Variants in XRRA1 observed in about 807,000 individuals in gnomAD.
The protein encoded by XRRA1 is X-ray radiation resistance-associated protein 1.
Under a neutral mutation model 80.2 loss-of-function variants are expected in XRRA1, and 69 were observed. The ratio of observed to expected loss-of-function variants is 0.86; its 90% CI spans 0.71 to 1.05. The LOEUF (loss-of-function observed/expected upper bound fraction) is 1.05, where lower values mean the gene tolerates loss of function less well. Among genes scored for constraint, XRRA1 ranks in the 50% least tolerant of loss-of-function variants. XRRA1 has a pLI of 0.00. For synonymous variants in XRRA1, 348 were observed against 389.9 expected (o/e 0.89, Z 1.27); for missense variants, 967 against 976.4 (o/e 0.99, Z 0.13).
intron 10 of XRRA1, among the ~76,000 whole-genome samples, chr11:74,891,839 A>G (rs1240829386): frequency 2.0e-5 from 3 of 152,178 alleles, no homozygotes; most frequent in Non-Finnish European, 4.4e-5. Context: ...TAGGAATCCA[A>G]CTTACAAGCA....
chr11:74,917,776 A>T (rs1294796852), intron 8 of XRRA1, among the ~76,000 whole-genome samples: 1 of 152,166 alleles, frequency 6.6e-6, no homozygotes, highest in Non-Finnish European at 1.5e-5. Context: ...CTTCTGATTT[A>T]CAGGTCTTAG....
intron 3 of XRRA1, among the ~76,000 whole-genome samples, chr11:74,939,845 G>C (rs1038597191): frequency 4.3e-5 from 2 of 46,902 alleles, no homozygotes; most frequent in Non-Finnish European, 1.2e-4. Context: ...GAGTGACATA[G>C]AGAGAGAGAG....
At position 74,884,580 on chromosome 11, in the gene XRRA1, C is replaced by T. The variant is rs549903507; in HGVS notation, c.1004-21559G>A. ...AAAACCCCTGCATTTCACTGCAGAT[C>T]CAGCAACTTATTTCTCTAGGACCCC... On this transcript the variant is annotated intron_variant, in intron 10 of 18. Transcript: ENST00000684022. Among the ~76,000 whole-genome samples, 65 of 152,270 alleles carry T rather than the reference C, an allele frequency of 4.3e-4. 1 individual carries two copies. The highest frequency in any genetic ancestry group is 3.7e-3 in the Admixed American group (57 of 15,284).
At chr11:74,865,664 C>G (rs2043240066) in intron 10 of XRRA1, among the ~76,000 whole-genome samples, 1 of 152,226 alleles carries the variant, frequency 6.6e-6, no homozygotes. Context: ...AGATGGACCA[C>G]CAGCTTCATT....
intron 1 of XRRA1, among the ~76,000 whole-genome samples, chr11:74,946,973 G>A (rs1415087341): frequency 6.6e-6 from 1 of 151,980 alleles, no homozygotes; most frequent in African/African-American, 2.4e-5. Flanking sequence ...TGATGGTCTT[G>A]ATCTCCTGAC....
intron 2 of XRRA1, among the ~76,000 whole-genome samples, chr11:74,943,529 GT>G (rs869110426): frequency 6.2e-5 from 3 of 48,364 alleles, no homozygotes; most frequent in Non-Finnish European, 1.7e-4. Flanking sequence ...AGGAGGGTGT[GT>G]GTGTGTGTGT....
At chr11:74,945,107 C>A (rs1403888567) in intron 1 of XRRA1, 22 bp from the exon 2 acceptor site, 1 of 152,218 alleles carries the variant, frequency 6.6e-6, no homozygotes, top group East Asian at 1.9e-4. Context: ...ATATTATATT[C>A]CTTCTTAGCC....
chr11:74,940,149 C>T (rs1946022946), intron 3 of XRRA1, among the ~76,000 whole-genome samples: 1 of 152,122 alleles, frequency 6.6e-6, no homozygotes, highest in African/African-American at 2.4e-5. Context: ...TCCAGAGAAC[C>T]AATACTTAGT....
intron 10 of XRRA1, among the ~76,000 whole-genome samples, chr11:74,884,866 G>A (rs958729032): frequency 6.6e-6 from 1 of 152,046 alleles, no homozygotes; most frequent in Non-Finnish European, 1.5e-5. Flanking sequence ...CACAACTAGA[G>A]AAACTAAAGA....
intron 6 of XRRA1, among the ~76,000 whole-genome samples, chr11:74,930,092 T>C (rs1387065599): frequency 6.6e-6 from 1 of 152,058 alleles, no homozygotes; most frequent in Non-Finnish European, 1.5e-5. Flanking sequence ...GATAGAGAAG[T>C]AGAAGATCAC....
intron 10 of XRRA1, among the ~76,000 whole-genome samples, chr11:74,897,882 A>G (rs1021535231): frequency 1.3e-5 from 2 of 152,180 alleles, no homozygotes; most frequent in Admixed American, 1.3e-4. Context: ...TTCAGTCTCA[A>G]TAAAGGATGT....
At chr11:74,893,316 A>G (rs2051287298) in intron 10 of XRRA1, among the ~76,000 whole-genome samples, 1 of 151,226 alleles carries the variant, frequency 6.6e-6, no homozygotes, top group Non-Finnish European at 1.5e-5. Context: ...ACAGAAAACC[A>G]AACACTGCAT....
chr11:74,892,479 C>T (rs2051030049), intron 10 of XRRA1, among the ~76,000 whole-genome samples: 1 of 152,162 alleles, frequency 6.6e-6, no homozygotes, highest in African/African-American at 2.4e-5. Context: ...CATTACCATT[C>T]AGGACATAGG....
At chr11:74,944,281 G>A (rs957551456) in intron 2 of XRRA1, among the ~76,000 whole-genome samples, 6 of 152,130 alleles carry the variant, frequency 3.9e-5, no homozygotes, top group African/African-American at 7.2e-5. Context: ...TAGGAAGCAC[G>A]CAATAGACAT....
intron 10 of XRRA1, among the ~76,000 whole-genome samples, chr11:74,865,844 T>G (rs1266459002): frequency 6.6e-6 from 1 of 152,214 alleles, no homozygotes; most frequent in Non-Finnish European, 1.5e-5. Flanking sequence ...GCCCCAGTCC[T>G]GTGTTTGGGT....
chr11:74,907,149 T>G lies in XRRA1; in HGVS notation c.781A>C (p.Arg261=). ...GAGAAAGGCTTATGGCTTTACCTCCTGAGCCCAGCCAGGCTGGCAAAGCAA... is the reference window on the plus strand; with the variant it reads ...GAGAAAGGCTTATGGCTTTACCTCCGGAGCCCAGCCAGGCTGGCAAAGCAA... ...PSCFASLAGL[R]RLKKLSLDEN... The change falls in exon 9 of 19, where the codon AGG becomes CGG. Residue 261 remains arginine (R), a synonymous_variant. Coordinates refer to ENST00000684022, the MANE Select transcript of XRRA1 (RefSeq NM_001378157.1). 6.2e-7 allele frequency: 1 copy of G among 1,613,690 alleles called. No individual in the cohort carries two copies. The highest frequency in any genetic ancestry group is 8.5e-7 in the Non-Finnish European group (1 of 1,179,866).
intron 10 of XRRA1, among the ~76,000 whole-genome samples, chr11:74,870,773 T>C (rs866338550): frequency 5.9e-5 from 9 of 152,294 alleles, no homozygotes; most frequent in African/African-American, 1.9e-4. Context: ...ACTCCTCTAC[T>C]AGAGGCCAGG....
At chr11:74,851,060 G>C in intron 14 of XRRA1, 28 bp downstream of exon 14, 1 of 1,574,718 alleles carries the variant, frequency 6.4e-7, no homozygotes, top group South Asian at 1.1e-5. Flanking sequence ...TCTTCCTGGG[G>C]GTGGGAGTCC....
At chr11:74,857,766 T>C (rs954466321) in intron 12 of XRRA1, among the ~76,000 whole-genome samples, 4 of 152,236 alleles carry the variant, frequency 2.6e-5, no homozygotes, top group Non-Finnish European at 5.9e-5. Flanking sequence ...TTACAGATTA[T>C]GTTATCTGCA....
Sources: gnomAD v4.1 joint callset for allele counts (sites outside exome capture counted in the v4.1 genomes callset) on GRCh38, gnomAD v4.1.1 for gene constraint, MANE v1.5 for transcripts, NCBI Gene and HGNC (gene_info 2026-07-23, HGNC 2026-07-21) for gene names.